Variants in KIF26B observed in about 807,000 individuals in gnomAD.
The protein encoded by KIF26B is kinesin family member 26B, also known as kinesin-like protein KIF26B.
A neutral mutation model predicts 151.2 loss-of-function variants in KIF26B; 63 were observed. The observed-to-expected ratio is 0.42, with a 90% CI of 0.34 to 0.51. The LOEUF is 0.51. Ranked by LOEUF, KIF26B falls within the 20% of genes least tolerant of loss-of-function variation. The probability of loss-of-function intolerance (pLI) is 0.07; values close to 1 mark genes in which losing one functional copy is unlikely to be tolerated. For missense variants in KIF26B, 2,813 were observed against 2,913.6 expected, an observed-to-expected ratio of 0.97 and a Z score of 0.79; for synonymous variants, 1,357 against 1,262.1, an observed-to-expected ratio of 1.08 and a Z score of -1.59.
intron 4 of KIF26B, among the ~76,000 whole-genome samples, chr1:245,430,465 G>A (rs1658749995): frequency 6.6e-6 from 1 of 152,010 alleles, no homozygotes; most frequent in Non-Finnish European, 1.5e-5. Context: ...AGGAGTTCAA[G>A]ACCAGCCTGG....
chr1:245,486,517 G>C (rs1397642902), intron 4 of KIF26B, among the ~76,000 whole-genome samples: 1 of 152,052 alleles, frequency 6.6e-6, no homozygotes, highest in Non-Finnish European at 1.5e-5. Context: ...CAATCCAGTA[G>C]TTATTATAGA....
At chr1:245,195,416 C>G (rs1669173544) in intron 2 of KIF26B, among the ~76,000 whole-genome samples, 1 of 152,178 alleles carries the variant, frequency 6.6e-6, no homozygotes, top group Non-Finnish European at 1.5e-5. Flanking sequence ...CAACCTTGTT[C>G]CCACCTGACC....
intron 9 of KIF26B, among the ~76,000 whole-genome samples, chr1:245,618,742 TC>T (rs1273587513): frequency 6.9e-6 from 1 of 144,066 alleles, no homozygotes; most frequent in Non-Finnish European, 1.5e-5. Flanking sequence ...GGTGAGCTTG[TC>T]CAAGCCCTAT....
Position 245,435,814 on chromosome 1 carries a change from C to T in KIF26B, c.1166+16069C>T, listed in dbSNP as rs561083509. Among the ~76,000 whole-genome samples the T allele has an allele frequency of 2.6e-5, 4 of 152,276 alleles. No homozygotes were observed. The South Asian group carries it at 8.3e-4, about 32-fold the overall frequency. On this transcript the variant is annotated intron_variant, in intron 4 of 14. Transcript: ENST00000407071. ...TGGCCACTTCCTGCTAGCCACTGCT[C>T]CTTGGGAACAAAGGACACTTGCCCA...
At chr1:245,283,004 C>T in intron 2 of KIF26B, 1 of 293,888 alleles carries the variant, frequency 3.4e-6, no homozygotes, top group Non-Finnish European at 7.0e-6. Context: ...CTTGAGGCTC[C>T]ATGTGCTTCA....
At chr1:245,287,964 G>A (rs1264578854) in intron 2 of KIF26B, among the ~76,000 whole-genome samples, 1 of 150,454 alleles carries the variant, frequency 6.6e-6, no homozygotes, top group Non-Finnish European at 1.5e-5. Context: ...TACTCCAAGA[G>A]TACTATGATA....
intron 5 of KIF26B, among the ~76,000 whole-genome samples, chr1:245,592,442 G>A (rs941175150): frequency 3.3e-5 from 5 of 152,210 alleles, no homozygotes; most frequent in African/African-American, 9.6e-5. Context: ...AGGAAAGATG[G>A]TAATAATTAT....
intron 3 of KIF26B, among the ~76,000 whole-genome samples, chr1:245,412,392 C>G (rs1246116247): frequency 6.6e-6 from 1 of 152,182 alleles, no homozygotes; most frequent in Non-Finnish European, 1.5e-5. Flanking sequence ...AGCAATTGCT[C>G]TCCGTAGATG....
At position 245,602,685 on chromosome 1, in the gene KIF26B, C is replaced by T; in HGVS notation, c.1459C>T (p.Leu487=). The T allele has an allele frequency of 6.2e-7, 1 of 1,614,048 alleles. No homozygotes were observed. The highest frequency in any genetic ancestry group is 8.5e-7 in the Non-Finnish European group (1 of 1,179,896). The change falls in exon 6 of 15, where the codon CTG becomes TTG. Residue 487 remains leucine, a synonymous_variant. Transcript: ENST00000407071. This position sits in a 1 kb window ranked among gnomAD's most constrained non-coding sequence, Gnocchi z 4.5. The part of the protein sequence containing the change: ...RKKQITLYDP[L]TCGGQNAFQK... ...GAAGCAGATCACCTTGTACGATCCCCTGACTTGTGGAGGTCAAAATGCCTT... is the reference window on the plus strand; with the variant it reads ...GAAGCAGATCACCTTGTACGATCCCTTGACTTGTGGAGGTCAAAATGCCTT...
intron 5 of KIF26B, among the ~76,000 whole-genome samples, chr1:245,566,621 CAT>C (rs2043012475): frequency 6.6e-6 from 1 of 152,224 alleles, no homozygotes; most frequent in African/African-American, 2.4e-5. Flanking sequence ...TCAAGCGCAA[CAT>C]GTTGATTTTT....
chr1:245,593,235 A>T (rs1437723747), intron 5 of KIF26B, among the ~76,000 whole-genome samples: 1 of 152,138 alleles, frequency 6.6e-6, no homozygotes, highest in Non-Finnish European at 1.5e-5. Context: ...GGTTTGTTAC[A>T]TAGGTATACA....
rs59250555 is a variant in KIF26B at position 245,178,972 on chromosome 1, G to GTT, written c.465+22300_465+22301dup. ...TTTACTTGGAACAATTCTTAACCAT[G>GTT]TTTTTTTTTTTTAAATAATTACTGA... On this transcript the variant is annotated intron_variant, in intron 2 of 14. Coordinates refer to ENST00000407071, the MANE Select transcript of KIF26B (RefSeq NM_018012.4). Among the ~76,000 whole-genome samples, 265 of 149,428 alleles carry GTT rather than the reference G, an allele frequency of 1.8e-3. 1 individual carries two copies. Among genetic ancestry groups the GTT allele is most frequent in the Middle Eastern group, 7.0e-3 (2 of 286 alleles).
intron 12 of KIF26B, among the ~76,000 whole-genome samples, chr1:245,690,097 G>A (rs1295798288): frequency 6.6e-6 from 1 of 152,158 alleles, no homozygotes; most frequent in Non-Finnish European, 1.5e-5. Flanking sequence ...AAGAACAACT[G>A]AAGCTACTTG....
chr1:245,269,534 G>A (rs1235564399), intron 2 of KIF26B, among the ~76,000 whole-genome samples: 1 of 151,668 alleles, frequency 6.6e-6, no homozygotes, highest in Non-Finnish European at 1.5e-5. Context: ...GTGTGATCTT[G>A]GCTCACTACA....
chr1:245,531,887 A>G (rs1207912520), intron 4 of KIF26B, among the ~76,000 whole-genome samples: 1 of 152,176 alleles, frequency 6.6e-6, no homozygotes, highest in African/African-American at 2.4e-5. Flanking sequence ...ACTCGAGGCG[A>G]GGAGTTCAAG....
intron 5 of KIF26B, among the ~76,000 whole-genome samples, chr1:245,550,304 C>A (rs527432915): frequency 6.6e-6 from 1 of 152,334 alleles, no homozygotes; most frequent in East Asian, 1.9e-4. Flanking sequence ...TCGCTGAAAT[C>A]GGTGATGGTA....
At chr1:245,309,900 A>G (rs1671633779) in intron 2 of KIF26B, among the ~76,000 whole-genome samples, 1 of 146,506 alleles carries the variant, frequency 6.8e-6, no homozygotes, top group South Asian at 2.1e-4. Context: ...CTCACTATAT[A>G]TATCTCTTAC....
intron 2 of KIF26B, among the ~76,000 whole-genome samples, chr1:245,187,022 A>G (rs766325623): frequency 2.0e-5 from 3 of 151,958 alleles, no homozygotes; most frequent in Non-Finnish European, 4.4e-5. Flanking sequence ...ACGCTCAGCT[A>G]ATTTTTGTAT....
At chr1:245,250,881 A>G (rs1670430401) in intron 2 of KIF26B, among the ~76,000 whole-genome samples, 1 of 152,220 alleles carries the variant, frequency 6.6e-6, no homozygotes, top group Non-Finnish European at 1.5e-5. Context: ...GTAACTCACT[A>G]GGTTGCTCAA....
Sources: gnomAD v4.1 joint callset for allele counts (sites outside exome capture counted in the v4.1 genomes callset) on GRCh38, gnomAD v4.1.1 for gene constraint, Gnocchi (gnomAD v3.1) non-coding constraint, MANE v1.5 for transcripts, NCBI Gene and HGNC (gene_info 2026-07-23, HGNC 2026-07-21) for gene names.